NDUFB8: variants seen among roughly 807,000 people sequenced by gnomAD.
The protein encoded by NDUFB8 is NADH dehydrogenase [ubiquinone] 1 beta subcomplex subunit 8, mitochondrial.
Under a neutral mutation model 26.0 loss-of-function variants are expected in NDUFB8, and 17 were observed. The ratio of observed to expected loss-of-function variants is 0.65; its 90% CI spans 0.45 to 0.98. The LOEUF is 0.98. Ranked by LOEUF, NDUFB8 falls within the 50% of genes least tolerant of loss-of-function variation. The probability of loss-of-function intolerance (pLI) is 0.00; values close to 1 mark genes in which losing one functional copy is unlikely to be tolerated. For missense variants in NDUFB8, 238 were observed against 255.0 expected (o/e 0.93, Z 0.45); for synonymous variants, 89 against 93.1 (o/e 0.96, Z 0.25).
intron 4 of NDUFB8, among the ~76,000 whole-genome samples, chr10:100,525,615 CGTGTGT>C (rs56705301): frequency 0.21 from 20,715 of 99,902 alleles, 3,409 homozygotes; most frequent in East Asian, 0.35. Context: ...CCACCCAAAG[CGTGTGT>C]GTGTGTGTGT....
Position 100,529,805 on chromosome 10 carries a change from C to T in NDUFB8, c.47G>A (p.Arg16Lys), listed in dbSNP as rs1169044755. ...CAGCGGCATCACGTTCCGGGATGCC[C>T]TTTGCAGCCACTGGACTCCCAAGAC... ...AGVLGVQWLQ[R>K]ASRNVMPLGA... The change falls in exon 1 of 5, where the codon AGG becomes AAG. Residue 16 changes from arginine (R) to lysine (K), a missense_variant. Arg to Lys is a conservative substitution (Grantham distance 26, BLOSUM62 2). Coordinates refer to ENST00000299166, the MANE Select transcript of NDUFB8 (RefSeq NM_005004.4). 6.2e-7 allele frequency: 1 copy of T among 1,613,886 alleles called. No homozygotes were observed.
chr10:100,525,075 C>G (rs944011120), intron 4 of NDUFB8, among the ~76,000 whole-genome samples: 3 of 152,120 alleles, frequency 2.0e-5, no homozygotes, highest in African/African-American at 7.2e-5. Flanking sequence ...TACCTGGGAG[C>G]TTGTTAAAAA....
Position 100,529,515 on chromosome 10 carries a change from C to T in NDUFB8, c.86-9G>A. 1 of 1,611,884 alleles carries T rather than the reference C, an allele frequency of 6.2e-7. No individual in the cohort carries two copies. The highest frequency in any genetic ancestry group is 1.1e-5 in the South Asian group (1 of 90,896). Reference sequence around the variant, plus strand: ...CTTGGTCATGTGGGAGGCTAGAACGCAGAAGAGAACAGGTCAGAAGCGAGC... The same window carrying T: ...CTTGGTCATGTGGGAGGCTAGAACGTAGAAGAGAACAGGTCAGAAGCGAGC... On this transcript the variant is annotated splice_polypyrimidine_tract_variant and intron_variant, in intron 1 of 4. Coordinates refer to ENST00000299166, the MANE Select transcript of NDUFB8 (RefSeq NM_005004.4).
Position 100,524,117 on chromosome 10 carries a change from T to C in NDUFB8, c.469-188A>G, listed in dbSNP as rs1198380021. The C allele has an allele frequency of 1.3e-6, 2 of 1,576,780 alleles. No homozygotes were observed. The highest frequency in any genetic ancestry group is 1.4e-5 in the African/African-American group (1 of 73,542). On this transcript the variant is annotated intron_variant, in intron 4 of 4. Transcript: ENST00000299166. The surrounding 1 kb of genome is among the most constrained non-coding windows in gnomAD (Gnocchi z 4.0). ...GCCCAAGGCAGAGAGAAAGCCTAAA[T>C]TGTAAGAGAAGTGGTGCCTACACTG...
Position 100,523,940 on chromosome 10 carries a change from A to T in NDUFB8, c.469-11T>A. 6 of 1,614,098 alleles carry T rather than the reference A, an allele frequency of 3.7e-6. No homozygotes were observed. The highest frequency in any genetic ancestry group is 5.1e-6 in the Non-Finnish European group (6 of 1,180,014). On this transcript the variant is annotated splice_polypyrimidine_tract_variant and intron_variant, in intron 4 of 4. Transcript: ENST00000299166. ...ATACTGCTTTGGTCCCTACAGAAAA[A>T]AACACAGGTCAGCAAGAACATACAT...
At chr10:100,526,624 T>A in intron 3 of NDUFB8, 70 bp from the exon 4 acceptor site, 1 of 1,562,140 alleles carries the variant, frequency 6.4e-7, no homozygotes, top group Admixed American at 1.8e-5. Flanking sequence ...CCCCAGTGAT[T>A]AGAGCCTGAT....
chr10:100,526,883 G>T, intron 3 of NDUFB8, 92 bp downstream of exon 3: 1 of 1,210,852 alleles, frequency 8.3e-7, no homozygotes, highest in Non-Finnish European at 1.2e-6. Flanking sequence ...GGAAAGCTTA[G>T]TGTTACTTGG....
chr10:100,523,908 T>G lies in NDUFB8; in HGVS notation c.490A>C (p.Asn164His), dbSNP rs1447317435. 2 of 1,614,020 alleles carry G rather than the reference T, an allele frequency of 1.2e-6. No individual in the cohort carries two copies. Among genetic ancestry groups the G allele is most frequent in the Non-Finnish European group, 1.7e-6 (2 of 1,180,036 alleles). ...CCGCCTCGTTCCAGGTACAGATTAT[T>G]GTAAGGATACTGCTTTGGTCCCTAC... is the stretch of plus-strand genomic sequence containing the variant. Reference protein sequence around the residue: ...QPVGPKQYPYNNLYLERGGDP... With the variant: ...QPVGPKQYPYHNLYLERGGDP... Residue 164 changes from asparagine to histidine, a missense_variant, in exon 5 of 5, where the codon AAT becomes CAT. By Grantham distance (68) the Asn-to-His change is moderately conservative. Transcript: ENST00000299166.
chr10:100,526,904 G>A, intron 3 of NDUFB8, 71 bp downstream of exon 3: 1 of 1,393,498 alleles, frequency 7.2e-7, no homozygotes, highest in East Asian at 2.3e-5. Flanking sequence ...TCAAAGAAGT[G>A]CCATCTGAGC....
At chr10:100,529,880 A>G (rs760660033), upstream of NDUFB8, 2 of 1,611,468 alleles carry the variant, frequency 1.2e-6, no homozygotes, top group Non-Finnish European at 1.7e-6. Context: ...TCCCTTCTGC[A>G]CATGCGCAAA....
rs761346498 is a variant in NDUFB8, at chr10:100,527,076, T to C, written c.213-2A>G. Reference sequence around the variant, plus strand: ...GGGAGCTTCGGGTAGTCGCCATACCTGAAAGACAGCAAGAACTTCTGGAAA... The same window carrying C: ...GGGAGCTTCGGGTAGTCGCCATACCCGAAAGACAGCAAGAACTTCTGGAAA... On this transcript the variant is annotated splice_acceptor_variant, in intron 2 of 4. Transcript: ENST00000299166. LOFTEE classifies it high-confidence loss of function. The C allele has an allele frequency of 2.5e-6, 4 of 1,613,282 alleles. No homozygotes were observed. The highest frequency in any genetic ancestry group is 3.4e-6 in the Non-Finnish European group (4 of 1,179,294).
In NDUFB8 at chr10:100,529,472, G is replaced by C. The variant is rs1589747767; in HGVS notation, c.120C>G (p.Pro40=). The part of the protein sequence containing the change: ...SHMTKDMFPG[P]YPRTPEERAA... ...CCCGTTCTTCTGGGGTCCTAGGATA[G>C]GGCCCCGGGAACATGTCCTTGGTCA... Residue 40 remains proline, a synonymous_variant, in exon 2 of 5, where the codon CCC becomes CCG. Coordinates refer to ENST00000299166, the MANE Select transcript of NDUFB8 (RefSeq NM_005004.4). 6.2e-7 allele frequency: 1 copy of C among 1,612,654 alleles called. No individual in the cohort carries two copies. Among genetic ancestry groups the C allele is most frequent in the African/African-American group, 1.3e-5 (1 of 74,778 alleles).
chr10:100,523,934 A>C lies in NDUFB8; in HGVS notation c.469-5T>G, dbSNP rs372070387. Reference sequence around the variant, plus strand: ...GTAAGGATACTGCTTTGGTCCCTACAGAAAAAAACACAGGTCAGCAAGAAC... The same window carrying C: ...GTAAGGATACTGCTTTGGTCCCTACCGAAAAAAACACAGGTCAGCAAGAAC... On this transcript the variant is annotated splice_polypyrimidine_tract_variant and splice_region_variant and intron_variant, in intron 4 of 4. Coordinates refer to ENST00000299166, the MANE Select transcript of NDUFB8 (RefSeq NM_005004.4). 6.2e-7 allele frequency: 1 copy of C among 1,614,016 alleles called. No homozygotes were observed. Among genetic ancestry groups the C allele is most frequent in the Admixed American group, 1.7e-5 (1 of 59,980 alleles).
At position 100,526,308 on chromosome 10, in the gene NDUFB8, GTA is replaced by G. The variant is rs1005328199; in HGVS notation, c.468+89_468+90del. On this transcript the variant is annotated intron_variant, in intron 4 of 4. Coordinates refer to ENST00000299166, the MANE Select transcript of NDUFB8 (RefSeq NM_005004.4). The stretch of plus-strand genomic sequence containing the variant: ...CTAAGACTCCAGGAAGCCAAGCTTG[GTA>G]TTGACTGGATTCCTACCCCAGAGAC... 16 of 1,431,732 alleles carry G rather than the reference GTA, an allele frequency of 1.1e-5. No homozygotes were observed. In the African/African-American group the frequency reaches 2.2e-4, roughly 19 times the overall value. The allele number at this position is 1,431,732 out of a possible 1,614,324, so 88.7% of individuals were successfully genotyped here.
In NDUFB8 at chr10:100,523,793, T is replaced by C; in HGVS notation, c.*44A>G. ...TTCATTAAGGTTAAATTTCTAGGAATGAGGGAGTCCTAGTTAGAGGACCCA... is the reference window on the plus strand; with the variant it reads ...TTCATTAAGGTTAAATTTCTAGGAACGAGGGAGTCCTAGTTAGAGGACCCA... On this transcript the variant is annotated 3_prime_UTR_variant, in exon 5 of 5. Transcript: ENST00000299166. 2.0e-6 allele frequency: 3 copies of C among 1,527,946 alleles called. No individual in the cohort carries two copies. Among genetic ancestry groups the C allele is most frequent in the Non-Finnish European group, 2.7e-6 (3 of 1,104,770 alleles). 94.6% of individuals were successfully genotyped at this position (1,527,946 alleles called of 1,614,324 possible).
chr10:100,528,332 G>A (rs1017320011), intron 2 of NDUFB8, among the ~76,000 whole-genome samples: 37 of 152,190 alleles, frequency 2.4e-4, no homozygotes, highest in African/African-American at 8.4e-4. Context: ...ATACAATGAG[G>A]AGATAACCTA....
chr10:100,524,175 G>A lies in NDUFB8; in HGVS notation c.469-246C>T, dbSNP rs552335920. The A allele has an allele frequency of 1.6e-5, 23 of 1,481,074 alleles. No individual in the cohort carries two copies. In the East Asian group the frequency reaches 4.3e-4, roughly 28 times the overall value. 91.7% of individuals were successfully genotyped at this position (1,481,074 alleles called of 1,614,324 possible). ...GAAGGAGAAAGGGGGAGGGAAGGGG[G>A]TTAGGGAAAGGAGGGGAAGGGAGGA... On this transcript the variant is annotated intron_variant, in intron 4 of 4. Transcript: ENST00000299166. This position sits in a 1 kb window ranked among gnomAD's most constrained non-coding sequence, Gnocchi z 4.0.
In NDUFB8 at chr10:100,528,054, G is replaced by A. The variant is rs148585268; in HGVS notation, c.213-980C>T. ...AGGCTGGTCTTGATCTCCTGACCTCGTGATCTGCCTGCCTTGGCCTCCCAA... is the reference window on the plus strand; with the variant it reads ...AGGCTGGTCTTGATCTCCTGACCTCATGATCTGCCTGCCTTGGCCTCCCAA... On this transcript the variant is annotated intron_variant, in intron 2 of 4. Transcript: ENST00000299166. Among the ~76,000 whole-genome samples, 1,309 of 152,264 alleles carry A rather than the reference G, an allele frequency of 8.6e-3. 18 individuals carry two copies. The highest frequency in any genetic ancestry group is 0.028 in the African/African-American group (1,177 of 41,538).
In NDUFB8 at chr10:100,524,081, T is replaced by C. The variant is rs1207146398; in HGVS notation, c.469-152A>G. 3 of 1,579,378 alleles carry C rather than the reference T, an allele frequency of 1.9e-6. No homozygotes were observed. Among genetic ancestry groups the C allele is most frequent in the East Asian group, 2.3e-5 (1 of 43,280 alleles). On this transcript the variant is annotated intron_variant, in intron 4 of 4. Coordinates refer to ENST00000299166, the MANE Select transcript of NDUFB8 (RefSeq NM_005004.4). The surrounding 1 kb of genome is among the most constrained non-coding windows in gnomAD (Gnocchi z 4.0). Reference sequence around the variant, plus strand: ...TAGGAAGGCAGGAACAGCACTCCTCTTCCTCACTCAGCCCAAGGCAGAGAG... The same window carrying C: ...TAGGAAGGCAGGAACAGCACTCCTCCTCCTCACTCAGCCCAAGGCAGAGAG...
Sources: allele counts gnomAD v4.1 joint callset (sites outside exome capture counted in the v4.1 genomes callset), GRCh38; gene constraint gnomAD v4.1.1; non-coding constraint Gnocchi (gnomAD v3.1); transcripts MANE v1.5; gene names NCBI Gene and HGNC (gene_info 2026-07-23, HGNC 2026-07-21).